The following SYT1 variants were observed in gnomAD, a reference collection of about 807,000 sequenced individuals.
SYT1 encodes synaptotagmin 1.
In SYT1, 8 loss-of-function variants were observed where a neutral mutation model predicts 44.8. That is an observed-to-expected ratio of 0.18 (90% CI 0.10 to 0.32). The LOEUF (loss-of-function observed/expected upper bound fraction) is 0.32. Ranked by LOEUF, SYT1 falls within the 10% of genes least tolerant of loss-of-function variation. The pLI is 1.00. For missense variants in SYT1, 286 were observed against 509.3 expected (o/e 0.56, Z 4.22); for synonymous variants, 154 against 188.8 (o/e 0.82, Z 1.51).
At chr12:79,381,630 T>C (rs1336534947) in intron 9 of SYT1, among the ~76,000 whole-genome samples, 1 of 152,244 alleles carries the variant, frequency 6.6e-6, no homozygotes, top group African/African-American at 2.4e-5. Context: ...AGATAATACC[T>C]ACACCTGTTG....
chr12:79,324,325 G>A (rs758765397), intron 8 of SYT1, among the ~76,000 whole-genome samples: 2 of 152,074 alleles, frequency 1.3e-5, no homozygotes, highest in Non-Finnish European at 1.5e-5. Context: ...ACAAATGACC[G>A]TGCTTTCAGA....
At chr12:79,330,239 C>T (rs1220609602) in intron 8 of SYT1, among the ~76,000 whole-genome samples, 3 of 152,194 alleles carry the variant, frequency 2.0e-5, no homozygotes. Context: ...CCTGTGCATT[C>T]AGGAAGACAT....
intron 4 of SYT1, among the ~76,000 whole-genome samples, chr12:79,265,427 T>A (rs1878071821): frequency 6.6e-6 from 1 of 152,192 alleles, no homozygotes. Flanking sequence ...TTTCACTGAT[T>A]TGGAGTAAAT....
At chr12:79,031,018 C>T (rs1046294838) in intron 2 of SYT1, among the ~76,000 whole-genome samples, 1 of 150,974 alleles carries the variant, frequency 6.6e-6, no homozygotes, top group African/African-American at 2.4e-5. Context: ...GGAGCTGCTG[C>T]TCATTTATAT....
At chr12:79,318,199 GA>G (rs1236529665) in intron 8 of SYT1, among the ~76,000 whole-genome samples, 1 of 152,176 alleles carries the variant, frequency 6.6e-6, no homozygotes, top group African/African-American at 2.4e-5. Context: ...TGGATATTAG[GA>G]AAGTCTAATT....
At chr12:78,941,177 A>G (rs1229318546) in intron 1 of SYT1, among the ~76,000 whole-genome samples, 2 of 142,818 alleles carry the variant, frequency 1.4e-5, no homozygotes, top group East Asian at 2.1e-4. Flanking sequence ...AGTTCACGCC[A>G]TTCTTCTGCC....
chr12:79,279,804 C>T (rs556618488), intron 4 of SYT1, among the ~76,000 whole-genome samples: 1 of 152,094 alleles, frequency 6.6e-6, no homozygotes, highest in South Asian at 2.1e-4. Context: ...TCTCAGGGTA[C>T]AAAATCAAGG....
At chr12:79,157,337 G>A (rs983722600) in intron 3 of SYT1, among the ~76,000 whole-genome samples, 11 of 151,882 alleles carry the variant, frequency 7.2e-5, no homozygotes, top group African/African-American at 2.7e-4. Flanking sequence ...ATGCACCTTG[G>A]GCAATTAAAA....
intron 1 of SYT1, among the ~76,000 whole-genome samples, chr12:78,912,901 G>A (rs554592159): frequency 6.6e-6 from 1 of 151,918 alleles, no homozygotes; most frequent in East Asian, 1.9e-4. Context: ...AAGTGAAAAT[G>A]TCCATTGATT....
intron 4 of SYT1, among the ~76,000 whole-genome samples, chr12:79,227,921 C>T (rs190228545): frequency 6.1e-4 from 93 of 152,182 alleles, no homozygotes; most frequent in Middle Eastern, 3.4e-3. Flanking sequence ...GAGAAAATTC[C>T]GGAAACTTTG....
intron 4 of SYT1, among the ~76,000 whole-genome samples, chr12:79,267,441 G>T (rs1045657349): frequency 2.0e-5 from 3 of 152,082 alleles, no homozygotes; most frequent in Admixed American, 1.3e-4. Context: ...AATACAAATT[G>T]GGTCAGAATC....
At chr12:79,000,208 T>G (rs1393231367) in intron 2 of SYT1, among the ~76,000 whole-genome samples, 1 of 151,948 alleles carries the variant, frequency 6.6e-6, no homozygotes, top group African/African-American at 2.4e-5. Context: ...ATTGTAAACT[T>G]CTTGGAAACA....
At chr12:79,275,027 G>T (rs1438008097) in intron 4 of SYT1, among the ~76,000 whole-genome samples, 3 of 152,108 alleles carry the variant, frequency 2.0e-5, no homozygotes, top group Non-Finnish European at 2.9e-5. Context: ...CCACCAGGTG[G>T]CTAGATCCAG....
At chr12:79,089,753 ACACT>A (rs1308140285) in intron 3 of SYT1, among the ~76,000 whole-genome samples, 2 of 152,008 alleles carry the variant, frequency 1.3e-5, no homozygotes, top group Non-Finnish European at 2.9e-5. Flanking sequence ...TTGAGAGCAA[ACACT>A]CAATGTTTCT....
chr12:79,434,613 ACT>A (rs1171673787), intron 9 of SYT1, among the ~76,000 whole-genome samples: 2 of 152,078 alleles, frequency 1.3e-5, no homozygotes, highest in Non-Finnish European at 2.9e-5. Flanking sequence ...TGGCAAAGAA[ACT>A]CTGAATGTTA....
intron 4 of SYT1, among the ~76,000 whole-genome samples, chr12:79,241,160 T>C (rs373164866): frequency 2.6e-5 from 4 of 151,988 alleles, no homozygotes; most frequent in African/African-American, 9.7e-5. Context: ...AACAACAGAG[T>C]GAAACCCTGT....
chr12:78,931,292 A>G (rs1328732026), intron 1 of SYT1, among the ~76,000 whole-genome samples: 6 of 92,358 alleles, frequency 6.5e-5, no homozygotes, highest in Non-Finnish European at 9.1e-5. Flanking sequence ...GGAAGGAAGG[A>G]AGGAAGGAAG....
intron 4 of SYT1, among the ~76,000 whole-genome samples, chr12:79,245,473 C>CAAAAAAAAAA (rs1273397377): frequency 2.1e-4 from 9 of 43,450 alleles, no homozygotes; most frequent in Admixed American, 2.9e-4. Context: ...ACTCCGTCAA[C>CAAAAAAAAAA]AAAAAAAAAA....
chr12:78,999,319 G>A (rs1870576382), intron 2 of SYT1, among the ~76,000 whole-genome samples: 1 of 152,122 alleles, frequency 6.6e-6, no homozygotes, highest in Non-Finnish European at 1.5e-5. Context: ...TTGTCAAGAA[G>A]ATTCTTATGT....
Sources: gnomAD v4.1 joint callset for allele counts (sites outside exome capture counted in the v4.1 genomes callset) on GRCh38, gnomAD v4.1.1 for gene constraint, MANE v1.5 for transcripts, NCBI Gene and HGNC (gene_info 2026-07-23, HGNC 2026-07-21) for gene names.